EBF1: variants seen among roughly 807,000 people sequenced by gnomAD.
EBF1 encodes transcription factor COE1.
Under a neutral mutation model 68.4 loss-of-function variants are expected in EBF1, and 10 were observed. That is an observed-to-expected ratio of 0.15 (90% CI 0.09 to 0.25). EBF1 has a LOEUF of 0.25. EBF1 is among the 10% of genes least tolerant of loss of function. The pLI, the probability that EBF1 is intolerant of heterozygous loss-of-function variation, is 1.00. For synonymous variants in EBF1, 298 were observed against 299.8 expected, an observed-to-expected ratio of 0.99 and a Z score of 0.06; for missense variants, 509 against 794.4, an observed-to-expected ratio of 0.64 and a Z score of 4.32.
intron 6 of EBF1, among the ~76,000 whole-genome samples, chr5:158,917,056 T>C (rs1475721008): frequency 6.6e-6 from 1 of 152,226 alleles, no homozygotes; most frequent in African/African-American, 2.4e-5. Context: ...ACTAGTGTCC[T>C]GCCTTGCCAC....
At chr5:158,840,693 A>C in intron 6 of EBF1, among the ~76,000 whole-genome samples, 1 of 83,538 alleles carries the variant, frequency 1.2e-5, no homozygotes, top group Non-Finnish European at 2.1e-5. Context: ...TTTTTTTGAG[A>C]CGGAGTCTCG....
chr5:158,806,040 A>C (rs1306914795), intron 8 of EBF1, among the ~76,000 whole-genome samples: 3 of 152,058 alleles, frequency 2.0e-5, no homozygotes, highest in African/African-American at 7.2e-5. Flanking sequence ...AAAAGCAGAC[A>C]TCTGTTTTGT....
Position 158,969,888 on chromosome 5 carries a change from GAAAGAAA to G in EBF1, c.554+103501_554+103507del, listed in dbSNP as rs1755113003. ...AGAAAGAAAGAAAGAAAGAAAGAAA[GAAAGAAA>G]GAAAGAAAGAAAGAAAGAAAGAAAA... is the stretch of plus-strand genomic sequence containing the variant. On this transcript the variant is annotated intron_variant, in intron 6 of 15. Coordinates refer to ENST00000313708, the MANE Select transcript of EBF1 (RefSeq NM_024007.5). Among the ~76,000 whole-genome samples the G allele has an allele frequency of 3.1e-5, 3 of 95,400 alleles. 1 individual carries two copies. The highest frequency in any genetic ancestry group is 3.9e-5 in the African/African-American group (1 of 25,832). 62.6% of individuals were successfully genotyped at this position (95,400 alleles called of 152,430 possible).
intron 10 of EBF1, among the ~76,000 whole-genome samples, chr5:158,765,753 T>C (rs1408444636): frequency 6.6e-6 from 1 of 152,188 alleles, no homozygotes; most frequent in African/African-American, 2.4e-5. Context: ...AACTCAGGCC[T>C]GATATTAATG....
Position 158,999,366 on chromosome 5 carries a change from G to A in EBF1, c.554+74030C>T, listed in dbSNP as rs181583741. ...TTCTTCTTTAAGACAAACTACTTTC[G>A]AATAAGTTGTTAAGTCTTTTAGAGA... On this transcript the variant is annotated intron_variant, in intron 6 of 15. Transcript: ENST00000313708. Among the ~76,000 whole-genome samples, 66 of 152,260 alleles carry A rather than the reference G, an allele frequency of 4.3e-4. No individual in the cohort carries two copies. In the East Asian group the frequency reaches 8.7e-3, roughly 20 times the overall value.
chr5:159,089,416 G>C (rs1283135884), intron 4 of EBF1, among the ~76,000 whole-genome samples: 2 of 152,110 alleles, frequency 1.3e-5, no homozygotes, highest in African/African-American at 4.8e-5. Flanking sequence ...ATACTGTGAA[G>C]CGTAGTTCAT....
chr5:158,749,553 C>T (rs1163609358), intron 10 of EBF1, among the ~76,000 whole-genome samples: 1 of 152,138 alleles, frequency 6.6e-6, no homozygotes, highest in Non-Finnish European at 1.5e-5. Flanking sequence ...AACCACGCTA[C>T]AGTGAAGTCA....
intron 6 of EBF1, among the ~76,000 whole-genome samples, chr5:158,993,015 G>A (rs111875063): frequency 3.1e-5 from 4 of 128,792 alleles, no homozygotes; most frequent in African/African-American, 8.7e-5. Context: ...TGCAACCTCC[G>A]CCTCCTGGGC....
At chr5:159,013,269 CAAG>C (rs1343009832) in intron 6 of EBF1, among the ~76,000 whole-genome samples, 2 of 152,156 alleles carry the variant, frequency 1.3e-5, no homozygotes, top group African/African-American at 4.8e-5. Flanking sequence ...GCACAGGGAA[CAAG>C]AAGGTCAGCA....
At chr5:158,998,145 C>CT in intron 6 of EBF1, among the ~76,000 whole-genome samples, 1 of 152,230 alleles carries the variant, frequency 6.6e-6, no homozygotes, top group East Asian at 1.9e-4. Context: ...TCACTATACT[C>CT]TATCTTATTA....
At chr5:159,050,431 A>C (rs1271907750) in intron 6 of EBF1, among the ~76,000 whole-genome samples, 2 of 152,040 alleles carry the variant, frequency 1.3e-5, no homozygotes, top group Non-Finnish European at 2.9e-5. Context: ...ACAAGAGGAG[A>C]CAACAATAAA....
rs1209019227 is a variant in EBF1, at chr5:158,707,993, C to A, written c.1730G>T (p.Gly577Val). 8.4e-6 allele frequency: 13 copies of A among 1,549,692 alleles called. No homozygotes were observed. The highest frequency in any genetic ancestry group is 1.0e-5 in the Non-Finnish European group (12 of 1,146,772). ...SPPPTCTSTN[G>V]NSLQAISGMI... ...CTGGGGCTTACCTTGCAGGCTGTTC[C>A]CGTTGGTGCTGGTGCAGGTGGGAGG... Residue 577 changes from glycine (G) to valine (V), a missense_variant, in exon 15 of 16, where the codon GGG (glycine) becomes GTG (valine). Coordinates refer to ENST00000313708, the MANE Select transcript of EBF1 (RefSeq NM_024007.5).
chr5:158,866,861 A>ATGTATG (rs1795998256), intron 6 of EBF1, among the ~76,000 whole-genome samples: 1 of 37,912 alleles, frequency 2.6e-5, no homozygotes, highest in Non-Finnish European at 6.8e-5. Flanking sequence ...ATATATATAT[A>ATGTATG]TATATATATA....
intron 6 of EBF1, among the ~76,000 whole-genome samples, chr5:158,870,714 G>T (rs183310372): frequency 6.6e-6 from 1 of 152,174 alleles, no homozygotes. Context: ...GAAATCTGAG[G>T]CTTGCCCACT....
intron 6 of EBF1, among the ~76,000 whole-genome samples, chr5:158,975,376 G>GA (rs1252845766): frequency 7.2e-5 from 11 of 152,138 alleles, no homozygotes; most frequent in Admixed American, 7.2e-4. Context: ...GGTTCACAGG[G>GA]AAAAAATCCA....
At chr5:158,763,301 A>G (rs1771921637) in intron 10 of EBF1, among the ~76,000 whole-genome samples, 1 of 152,210 alleles carries the variant, frequency 6.6e-6, no homozygotes, top group Non-Finnish European at 1.5e-5. Context: ...CCCTCCCCAA[A>G]TGGACCCAGG....
chr5:158,798,314 G>A (rs1048884412), intron 8 of EBF1, among the ~76,000 whole-genome samples: 1 of 152,170 alleles, frequency 6.6e-6, no homozygotes, highest in Admixed American at 6.5e-5. Context: ...AATCCAATGG[G>A]GTCATTAATT....
At chr5:158,815,046 T>C (rs1783446290) in intron 8 of EBF1, among the ~76,000 whole-genome samples, 2 of 152,104 alleles carry the variant, frequency 1.3e-5, no homozygotes, top group South Asian at 2.1e-4. Flanking sequence ...ATAAGAACAA[T>C]AGGATAGGAG....
chr5:158,846,429 C>T (rs753699840), intron 6 of EBF1, among the ~76,000 whole-genome samples: 14 of 152,174 alleles, frequency 9.2e-5, no homozygotes, highest in Non-Finnish European at 1.8e-4. Flanking sequence ...AGGATTATCT[C>T]CCAAATTGAA....
Sources: gnomAD v4.1 joint callset for allele counts (sites outside exome capture counted in the v4.1 genomes callset) on GRCh38, gnomAD v4.1.1 for gene constraint, MANE v1.5 for transcripts, NCBI Gene and HGNC (gene_info 2026-07-23, HGNC 2026-07-21) for gene names.